UGT8: variants seen among roughly 807,000 people sequenced by gnomAD.
The protein encoded by UGT8 is UDP glycosyltransferase 8.
A neutral mutation model predicts 40.5 loss-of-function variants in UGT8; 12 were observed. That is an observed-to-expected ratio of 0.30 (90% CI 0.19 to 0.48). The LOEUF (loss-of-function observed/expected upper bound fraction) is 0.48, where lower values mean the gene tolerates loss of function less well. Among genes scored for constraint, UGT8 ranks in the 20% least tolerant of loss-of-function variants. UGT8 has a pLI of 0.99. For synonymous variants in UGT8, 224 were observed against 240.4 expected (o/e 0.93, Z 0.63); for missense variants, 513 against 648.7 (o/e 0.79, Z 2.27).
chr4:114,671,400 G>A (rs1440117776), intron 5 of UGT8, among the ~76,000 whole-genome samples: 1 of 152,122 alleles, frequency 6.6e-6, no homozygotes, highest in Non-Finnish European at 1.5e-5. Context: ...AAAGCTGGAG[G>A]CATTACGCTA....
chr4:114,674,175 C>T (rs1444202215), intron 5 of UGT8, among the ~76,000 whole-genome samples: 2 of 152,148 alleles, frequency 1.3e-5, no homozygotes, highest in Admixed American at 6.5e-5. Flanking sequence ...GCTTTGTAAT[C>T]TTATAGCTCC....
At chr4:114,617,931 C>A (rs1403189306) in intron 1 of UGT8, among the ~76,000 whole-genome samples, 1 of 152,146 alleles carries the variant, frequency 6.6e-6, no homozygotes, top group South Asian at 2.1e-4. Flanking sequence ...TGGTAGAAAT[C>A]TTTGAAAATC....
chr4:114,624,097 T>G (rs1732032683), intron 2 of UGT8, among the ~76,000 whole-genome samples: 1 of 152,226 alleles, frequency 6.6e-6, no homozygotes, highest in African/African-American at 2.4e-5. Flanking sequence ...AACAGGTATA[T>G]ATGTTTAGCT....
At chr4:114,662,192 A>T (rs1301380684) in intron 2 of UGT8, among the ~76,000 whole-genome samples, 1 of 152,242 alleles carries the variant, frequency 6.6e-6, no homozygotes, top group Non-Finnish European at 1.5e-5. Flanking sequence ...TGTGTTTAAT[A>T]CACCTAACAT....
At chr4:114,645,585 T>A (rs1733520532) in intron 2 of UGT8, among the ~76,000 whole-genome samples, 1 of 152,178 alleles carries the variant, frequency 6.6e-6, no homozygotes, top group South Asian at 2.1e-4. Context: ...GTACTAACAT[T>A]TCTAATATTT....
At position 114,672,407 on chromosome 4, in the gene UGT8, T is replaced by C. The variant is rs541081868; in HGVS notation, c.1263-3518T>C. Among the ~76,000 whole-genome samples the C allele has an allele frequency of 3.2e-4, 49 of 152,130 alleles. No homozygotes were observed. The South Asian group carries it at 9.8e-3, about 30-fold the overall frequency. ...CAATACAATTATAATAGCAAACACATAGAACCAACCCAAATGCCCATCAGT... is the reference window on the plus strand; with the variant it reads ...CAATACAATTATAATAGCAAACACACAGAACCAACCCAAATGCCCATCAGT... On this transcript the variant is annotated intron_variant, in intron 5 of 5. Coordinates refer to ENST00000310836, the MANE Select transcript of UGT8 (RefSeq NM_001128174.3).
At chr4:114,636,196 C>A (rs1370686434) in intron 2 of UGT8, among the ~76,000 whole-genome samples, 1 of 152,146 alleles carries the variant, frequency 6.6e-6, no homozygotes, top group Non-Finnish European at 1.5e-5. Context: ...TAGATACAAG[C>A]TTTATTCACA....
chr4:114,660,599 G>A (rs1358772612), intron 2 of UGT8, among the ~76,000 whole-genome samples: 1 of 151,996 alleles, frequency 6.6e-6, no homozygotes, highest in African/African-American at 2.4e-5. Context: ...TTATAATTCA[G>A]TTTAACTTTT....
In UGT8 at chr4:114,676,425, C is replaced by T. The variant is rs934233898; in HGVS notation, c.*137C>T. 1.4e-5 allele frequency: 10 copies of T among 728,066 alleles called. No individual in the cohort carries two copies. The highest frequency in any genetic ancestry group is 2.1e-5 in the Non-Finnish European group (10 of 466,948). 45.1% of individuals were successfully genotyped at this position (728,066 alleles called of 1,614,324 possible). A position where few individuals can be genotyped will look rare whatever the true frequency, so the allele number is the denominator to read the frequency against. On this transcript the variant is annotated 3_prime_UTR_variant, in exon 6 of 6. Transcript: ENST00000310836. ...CCTTATGAGATCTACTAATGAAATTCTGTGGAATTAAGATGGCTGTAAAAA... is the reference window on the plus strand; with the variant it reads ...CCTTATGAGATCTACTAATGAAATTTTGTGGAATTAAGATGGCTGTAAAAA...
chr4:114,628,335 T>G (rs994874772), intron 2 of UGT8, among the ~76,000 whole-genome samples: 3 of 152,022 alleles, frequency 2.0e-5, no homozygotes, highest in Non-Finnish European at 4.4e-5. Flanking sequence ...AGACAGGGTT[T>G]CGATATGTTG....
chr4:114,635,641 C>T (rs987297984), intron 2 of UGT8, among the ~76,000 whole-genome samples: 1 of 152,122 alleles, frequency 6.6e-6, no homozygotes, highest in Non-Finnish European at 1.5e-5. Context: ...AAAAATGCTT[C>T]AAGCTTTTGC....
chr4:114,642,238 CTTTG>C (rs1733270055), intron 2 of UGT8, among the ~76,000 whole-genome samples: 3 of 151,402 alleles, frequency 2.0e-5, no homozygotes, highest in Non-Finnish European at 4.4e-5. Context: ...CGATTTATAT[CTTTG>C]AGATAGTGGG....
intron 2 of UGT8, among the ~76,000 whole-genome samples, chr4:114,625,658 A>G (rs1268195809): frequency 6.6e-6 from 1 of 151,864 alleles, no homozygotes; most frequent in Non-Finnish European, 1.5e-5. Flanking sequence ...TATTTTCAAT[A>G]CTCTACCTTT....
chr4:114,617,213 C>T (rs1194295084), intron 1 of UGT8, among the ~76,000 whole-genome samples: 3 of 152,206 alleles, frequency 2.0e-5, no homozygotes, highest in African/African-American at 4.8e-5. Context: ...GAGATTGTGC[C>T]ATTGCACTCT....
At chr4:114,608,739 G>T (rs1180577726) in intron 1 of UGT8, among the ~76,000 whole-genome samples, 1 of 151,956 alleles carries the variant, frequency 6.6e-6, no homozygotes, top group South Asian at 2.1e-4. Context: ...ACTAATTCTA[G>T]GTAATGCTAA....
intron 1 of UGT8, among the ~76,000 whole-genome samples, chr4:114,604,793 T>G (rs771714492): frequency 1.4e-4 from 22 of 152,202 alleles, no homozygotes; most frequent in Non-Finnish European, 2.6e-4. Flanking sequence ...TTCCATATTT[T>G]TAAGATGAAA....
At chr4:114,603,192 T>G (rs974409210) in intron 1 of UGT8, among the ~76,000 whole-genome samples, 5 of 151,652 alleles carry the variant, frequency 3.3e-5, no homozygotes, top group African/African-American at 1.2e-4. Flanking sequence ...AGAGCAAGAG[T>G]GATAGAGTTC....
rs373831113 is a variant in UGT8 at position 114,645,151 on chromosome 4, A to G, written c.823-18844A>G. On this transcript the variant is annotated intron_variant, in intron 2 of 5. Coordinates refer to ENST00000310836, the MANE Select transcript of UGT8 (RefSeq NM_001128174.3). ...CATTCAATGAGCAAAAAAATTAACA[A>G]ATCCAAATATTGGTTAAAAGTTGTT... Among the ~76,000 whole-genome samples, 6 of 152,322 alleles carry G rather than the reference A, an allele frequency of 3.9e-5. No homozygotes were observed. The South Asian group carries it at 6.2e-4, about 16-fold the overall frequency.
At position 114,623,201 on chromosome 4, in the gene UGT8, G is replaced by C. The variant is rs1731948563; in HGVS notation, c.321G>C (p.Leu107=). The change falls in exon 2 of 6, where the codon CTG becomes CTC. Residue 107 remains leucine (L), a synonymous_variant. Transcript: ENST00000310836. The part of the protein sequence containing the change: ...RLTAIELFDI[L]DHYTKNCDLM... The stretch of plus-strand genomic sequence containing the variant: ...CAGCAATCGAACTGTTTGACATACT[G>C]GATCACTATACTAAGAACTGTGACC... 1 of 1,613,962 alleles carries C rather than the reference G, an allele frequency of 6.2e-7. No homozygotes were observed. Among genetic ancestry groups the C allele is most frequent in the Non-Finnish European group, 8.5e-7 (1 of 1,180,026 alleles).
Sources: allele counts gnomAD v4.1 joint callset (sites outside exome capture counted in the v4.1 genomes callset), GRCh38; gene constraint gnomAD v4.1.1; transcripts MANE v1.5; gene names NCBI Gene and HGNC (gene_info 2026-07-23, HGNC 2026-07-21).